Variants in SEPTIN11 observed in about 807,000 individuals in gnomAD.
SEPTIN11 encodes septin 11.
SEPTIN11 carries 25 observed loss-of-function variants against 51.4 expected under a neutral mutation model. The observed-to-expected ratio is 0.49, with a 90% CI of 0.35 to 0.68. SEPTIN11 has a LOEUF of 0.68. SEPTIN11 is among the 30% of genes least tolerant of loss of function. SEPTIN11 has a pLI of 0.00. For synonymous variants in SEPTIN11, 174 were observed against 184.1 expected (o/e 0.95, Z 0.44); for missense variants, 381 against 520.8 (o/e 0.73, Z 2.61).
chr4:77,020,292 G>T, intron 6 of SEPTIN11, among the ~76,000 whole-genome samples: 1 of 152,202 alleles, frequency 6.6e-6, no homozygotes, highest in East Asian at 1.9e-4. Context: ...GCACTCAGCA[G>T]TCAGCGTTGT....
At chr4:77,029,258 C>G (rs984005748) in intron 8 of SEPTIN11, among the ~76,000 whole-genome samples, 3 of 152,172 alleles carry the variant, frequency 2.0e-5, no homozygotes, top group African/African-American at 7.2e-5. Context: ...TTACCTTAGT[C>G]CCCTCCCCTG....
intron 4 of SEPTIN11, among the ~76,000 whole-genome samples, chr4:77,012,184 A>C (rs917275376): frequency 7.9e-5 from 12 of 152,066 alleles, no homozygotes; most frequent in African/African-American, 2.4e-4. Flanking sequence ...AGGTTGAAAT[A>C]TAACTTCCAG....
intron 1 of SEPTIN11, among the ~76,000 whole-genome samples, chr4:76,975,619 A>T (rs1037425687): frequency 2.6e-5 from 4 of 152,166 alleles, no homozygotes; most frequent in African/African-American, 9.7e-5. Context: ...TCAGATCTGT[A>T]TTTCATTCAC....
At position 76,984,717 on chromosome 4, in the gene SEPTIN11, G is replaced by T. The variant is rs1217136362; in HGVS notation, c.28-11708G>T. 2.0e-5 allele frequency among the ~76,000 whole-genome samples: 3 copies of T among 152,174 alleles called. No individual in the cohort carries two copies. The highest frequency in any genetic ancestry group is 4.4e-5 in the Non-Finnish European group (3 of 68,030). ...ATTCCATAGGATAAAGACAGGGCAG[G>T]AGGGACAAAAATGACCCAAATAAAC... On this transcript the variant is annotated intron_variant, in intron 1 of 9. Coordinates refer to ENST00000264893, the MANE Select transcript of SEPTIN11 (RefSeq NM_018243.4). The surrounding 1 kb of genome is among the most constrained non-coding windows in gnomAD (Gnocchi z 4.1).
At chr4:77,039,042 A>C, downstream of SEPTIN11, 1 of 1,262,730 alleles carries the variant, frequency 7.9e-7, no homozygotes, top group South Asian at 1.2e-5. Flanking sequence ...ATCAAATTTG[A>C]ATCTGAACCT....
intron 9 of SEPTIN11, among the ~76,000 whole-genome samples, chr4:77,032,343 TA>T (rs983278043): frequency 3.3e-5 from 5 of 152,188 alleles, no homozygotes; most frequent in African/African-American, 1.2e-4. Context: ...AAAATTTAGT[TA>T]TGCTGGATTA....
chr4:77,037,500 AAG>A lies in SEPTIN11; in HGVS notation c.*2992_*2993del. 1 of 985,428 alleles carries A rather than the reference AAG, an allele frequency of 1.0e-6. No individual in the cohort carries two copies. Among genetic ancestry groups the A allele is most frequent in the South Asian group, 4.7e-5 (1 of 21,290 alleles). 61.0% of individuals were successfully genotyped at this position (985,428 alleles called of 1,614,324 possible). A position where few individuals can be genotyped will look rare whatever the true frequency, so the allele number is the denominator to read the frequency against. On this transcript the variant is annotated 3_prime_UTR_variant, in exon 10 of 10. Transcript: ENST00000264893. ...TTACCATCTTCTACTAGAGAAAACC[AAG>A]AGAAAAATTTTTATGCTAGGATGCC... is the stretch of plus-strand genomic sequence containing the variant.
chr4:76,986,548 A>G (rs1206281022), intron 1 of SEPTIN11, among the ~76,000 whole-genome samples: 1 of 152,232 alleles, frequency 6.6e-6, no homozygotes, highest in Non-Finnish European at 1.5e-5. Context: ...TAAAGCTGAC[A>G]AAACTGAGGC....
At position 76,995,648 on chromosome 4, in the gene SEPTIN11, A is replaced by G. The variant is rs542013640; in HGVS notation, c.28-777A>G. ...GTTTCACAGATTATCTCCAACACCC[A>G]CGGGATGCATTCAAAGTTGTGGGGG... On this transcript the variant is annotated intron_variant, in intron 1 of 9. Coordinates refer to ENST00000264893, the MANE Select transcript of SEPTIN11 (RefSeq NM_018243.4). 4.6e-6 allele frequency: 3 copies of G among 653,356 alleles called. No homozygotes were observed. The East Asian group carries it at 9.2e-5, about 20-fold the overall frequency. 40.5% of individuals were successfully genotyped at this position (653,356 alleles called of 1,614,324 possible). A position where few individuals can be genotyped will look rare whatever the true frequency, so the allele number is the denominator to read the frequency against.
chr4:76,965,742 A>G (rs973975219), intron 1 of SEPTIN11, among the ~76,000 whole-genome samples: 1 of 152,176 alleles, frequency 6.6e-6, no homozygotes, highest in African/African-American at 2.4e-5. Flanking sequence ...ATGCTTTTAT[A>G]GTTTAATTTA....
intron 1 of SEPTIN11, among the ~76,000 whole-genome samples, chr4:76,952,081 A>T (rs1721372407): frequency 6.6e-6 from 1 of 152,240 alleles, no homozygotes; most frequent in South Asian, 2.1e-4. Flanking sequence ...ATCACATTTC[A>T]CAGATAATTG....
At chr4:76,964,105 C>T (rs1447987110) in intron 1 of SEPTIN11, among the ~76,000 whole-genome samples, 1 of 152,140 alleles carries the variant, frequency 6.6e-6, no homozygotes, top group African/African-American at 2.4e-5. Flanking sequence ...TTTCCAGCTT[C>T]ATCCATGTCC....
chr4:77,028,118 T>G (rs1726312032), intron 7 of SEPTIN11, among the ~76,000 whole-genome samples: 3 of 152,112 alleles, frequency 2.0e-5, no homozygotes, highest in Admixed American at 2.0e-4. Context: ...TTTATTCCCT[T>G]CCCCTCATTT....
rs149144123 is a variant in SEPTIN11, at chr4:76,950,916, A to G, written c.27+986A>G. 8.3e-3 allele frequency among the ~76,000 whole-genome samples: 1,258 copies of G among 152,138 alleles called. 18 individuals carry two copies. The highest frequency in any genetic ancestry group is 0.029 in the African/African-American group (1,193 of 41,500). On this transcript the variant is annotated intron_variant, in intron 1 of 9. Coordinates refer to ENST00000264893, the MANE Select transcript of SEPTIN11 (RefSeq NM_018243.4). The stretch of plus-strand genomic sequence containing the variant: ...CTCCTGTTTTCCCTTTCCCCTTTTC[A>G]TCGTCGATGTTCACAGTCCACTCGC...
chr4:76,969,168 A>T (rs1200319785), intron 1 of SEPTIN11, among the ~76,000 whole-genome samples: 2 of 152,212 alleles, frequency 1.3e-5, no homozygotes, highest in African/African-American at 2.4e-5. Flanking sequence ...AGCTCTTTTC[A>T]TGCTCAGTCT....
chr4:76,975,363 A>G (rs543528179), intron 1 of SEPTIN11, among the ~76,000 whole-genome samples: 7 of 152,242 alleles, frequency 4.6e-5, no homozygotes, highest in African/African-American at 1.7e-4. Context: ...TACAAACATG[A>G]AGTACTTCCC....
intron 4 of SEPTIN11, 25 bp downstream of exon 4, chr4:77,011,946 A>C (rs779386826): frequency 3.1e-6 from 5 of 1,598,810 alleles, no homozygotes; most frequent in Non-Finnish European, 4.3e-6. Context: ...TCTGATTATC[A>C]TCCACTCTCC....
rs1290443274 is a variant in SEPTIN11, at chr4:77,005,630, A to G, written c.172A>G (p.Met58Val). ...GACAGGCATTGGCAAATCCACGTTAATGGACACTTTGTTCAACACCAAATT... is the reference window on the plus strand; with the variant it reads ...GACAGGCATTGGCAAATCCACGTTAGTGGACACTTTGTTCAACACCAAATT... ...GETGIGKSTLMDTLFNTKFES... is the reference protein window; with the variant it reads ...GETGIGKSTLVDTLFNTKFES... Residue 58 changes from methionine to valine, a missense_variant, in exon 3 of 10, where the codon ATG becomes GTG. Physicochemically the swap from Met to Val is conservative, Grantham distance 21. Transcript: ENST00000264893. 1 of 1,613,954 alleles carries G rather than the reference A, an allele frequency of 6.2e-7. No individual in the cohort carries two copies. The highest frequency in any genetic ancestry group is 1.1e-5 in the South Asian group (1 of 91,034).
Position 76,949,918 on chromosome 4 carries a change from G to T in SEPTIN11, c.15G>T (p.Val5=). MAVA[V]GRPSNEELRN... is the part of the protein sequence containing the mutation. ...CCGCAGCTGCGATGGCCGTGGCCGT[G>T]GGGAGACCGTCTGTGAGTGCTGGGG... The change falls in exon 1 of 10, where the codon GTG becomes GTT. Residue 5 remains valine (V), a synonymous_variant. Coordinates refer to ENST00000264893, the MANE Select transcript of SEPTIN11 (RefSeq NM_018243.4). 1 of 1,529,112 alleles carries T rather than the reference G, an allele frequency of 6.5e-7. No homozygotes were observed. Among genetic ancestry groups the T allele is most frequent in the East Asian group, 2.7e-5 (1 of 37,602 alleles). 94.7% of individuals were successfully genotyped at this position (1,529,112 alleles called of 1,614,324 possible).
Sources: gnomAD v4.1 joint callset for allele counts (sites outside exome capture counted in the v4.1 genomes callset) on GRCh38, gnomAD v4.1.1 for gene constraint, Gnocchi (gnomAD v3.1) non-coding constraint, MANE v1.5 for transcripts, NCBI Gene and HGNC (gene_info 2026-07-23, HGNC 2026-07-21) for gene names.